Variants in CNTNAP2 observed in about 807,000 individuals in gnomAD.
CNTNAP2 encodes the protein contactin-associated protein-like 2.
In CNTNAP2, 98 loss-of-function variants were observed where a neutral mutation model predicts 155.2. The observed-to-expected ratio is 0.63, with a 90% CI of 0.54 to 0.75. The LOEUF (loss-of-function observed/expected upper bound fraction) is 0.75. CNTNAP2 is among the 30% of genes least tolerant of loss of function. The pLI is 0.00. For missense variants in CNTNAP2, 1,727 were observed against 1,688.1 expected, an observed-to-expected ratio of 1.02 and a Z score of -0.40; for synonymous variants, 651 against 631.2, an observed-to-expected ratio of 1.03 and a Z score of -0.47.
At chr7:147,907,349 C>T (rs918754844) in intron 14 of CNTNAP2, among the ~76,000 whole-genome samples, 1 of 152,184 alleles carries the variant, frequency 6.6e-6, no homozygotes, top group Non-Finnish European at 1.5e-5. Context: ...AGCCATCGCG[C>T]CCAGCCATGA....
At chr7:146,964,932 T>C (rs916809944) in intron 3 of CNTNAP2, among the ~76,000 whole-genome samples, 45 of 152,234 alleles carry the variant, frequency 3.0e-4, no homozygotes, top group Admixed American at 2.5e-3. Flanking sequence ...AACATTGTGT[T>C]GAGAATCGTT....
At chr7:146,873,587 G>A (rs2129207683) in intron 3 of CNTNAP2, among the ~76,000 whole-genome samples, 1 of 152,216 alleles carries the variant, frequency 6.6e-6, no homozygotes, top group African/African-American at 2.4e-5. Context: ...GGCTCCTAGA[G>A]TATTTGAATT....
intron 14 of CNTNAP2, among the ~76,000 whole-genome samples, chr7:147,911,914 G>A (rs973870754): frequency 6.6e-6 from 1 of 152,144 alleles, no homozygotes; most frequent in Admixed American, 6.6e-5. Context: ...TACGAGCACG[G>A]TGGTACAATT....
rs180962753 is a variant in CNTNAP2 at position 147,366,030 on chromosome 7, G to A, written c.1499-29579G>A. Among the ~76,000 whole-genome samples, 3 of 152,238 alleles carry A rather than the reference G, an allele frequency of 2.0e-5. No homozygotes were observed. The East Asian group carries it at 5.8e-4, about 29-fold the overall frequency. On this transcript the variant is annotated intron_variant, in intron 9 of 23. Transcript: ENST00000361727. ...TTGTGTGAATTCTTTGAAGTCTATG[G>A]TGAAGGTCCTTTCCTTCATCAAGAA... is the stretch of plus-strand genomic sequence containing the variant.
chr7:146,241,608 A>AT (rs11440591), intron 1 of CNTNAP2, among the ~76,000 whole-genome samples: 7,869 of 152,024 alleles, frequency 0.052, 679 homozygotes, highest in African/African-American at 0.18. Flanking sequence ...TTAATGTGAC[A>AT]TTTTTTTTAG....
intron 1 of CNTNAP2, among the ~76,000 whole-genome samples, chr7:146,405,855 G>T (rs1181999478): frequency 6.6e-6 from 1 of 152,196 alleles, no homozygotes; most frequent in East Asian, 1.9e-4. Flanking sequence ...AATGGGGCCA[G>T]TACAATCAGA....
At position 146,590,230 on chromosome 7, in the gene CNTNAP2, T is replaced by C. The variant is rs1035131790; in HGVS notation, c.98-184041T>C. Among the ~76,000 whole-genome samples, 5 of 152,342 alleles carry C rather than the reference T, an allele frequency of 3.3e-5. No individual in the cohort carries two copies. The East Asian group carries it at 9.7e-4, about 29-fold the overall frequency. On this transcript the variant is annotated intron_variant, in intron 1 of 23. Coordinates refer to ENST00000361727, the MANE Select transcript of CNTNAP2 (RefSeq NM_014141.6). ...GGAATGCGGAATGCTTCCCACTTTA[T>C]GCAGGTTACCCAGCTGACTTCTATT...
rs115786955 is a variant in CNTNAP2 at position 146,722,228 on chromosome 7, T to C, written c.98-52043T>C. The stretch of plus-strand genomic sequence containing the variant: ...ATATTAAACGATAAGGTGCTCACTA[T>C]TTTCTGAGCTGTACAACAGGAACAA... On this transcript the variant is annotated intron_variant, in intron 1 of 23. Transcript: ENST00000361727. Among the ~76,000 whole-genome samples the C allele has an allele frequency of 6.9e-3, 1,056 of 151,962 alleles. 7 individuals carry two copies. Among genetic ancestry groups the C allele is most frequent in the African/African-American group, 0.024 (1,001 of 41,362 alleles).
Position 146,576,892 on chromosome 7 carries a change from G to A in CNTNAP2, c.98-197379G>A, listed in dbSNP as rs1208456386. 3.3e-5 allele frequency among the ~76,000 whole-genome samples: 5 copies of A among 152,178 alleles called. No homozygotes were observed. In the East Asian group the frequency reaches 9.7e-4, roughly 29 times the overall value. On this transcript the variant is annotated intron_variant, in intron 1 of 23. Coordinates refer to ENST00000361727, the MANE Select transcript of CNTNAP2 (RefSeq NM_014141.6). Reference sequence around the variant, plus strand: ...GGTGTAACACTATATGTAGATGATTGATAAAATGCCTAACTCCTAAGAGTG... The same window carrying A: ...GGTGTAACACTATATGTAGATGATTAATAAAATGCCTAACTCCTAAGAGTG...
chr7:146,843,068 A>G (rs1466674603), intron 3 of CNTNAP2, among the ~76,000 whole-genome samples: 15 of 96,022 alleles, frequency 1.6e-4, no homozygotes, highest in Non-Finnish European at 1.8e-4. Context: ...TGCGGACTGC[A>G]GTGGCGCAAT....
At chr7:147,633,370 C>T (rs1032214735) in intron 12 of CNTNAP2, among the ~76,000 whole-genome samples, 3 of 152,172 alleles carry the variant, frequency 2.0e-5, no homozygotes, top group South Asian at 2.1e-4. Context: ...GGGTCAAGCT[C>T]TCATAGAGAT....
intron 3 of CNTNAP2, among the ~76,000 whole-genome samples, chr7:146,985,308 ATTTTTTTTTTTTTTT>A (rs71165057): frequency 0.013 from 1,663 of 127,808 alleles, 74 homozygotes; most frequent in Admixed American, 0.088. Context: ...AAATGCTTGA[ATTTTTTTTTTTTTTT>A]TTTTTTTTTT....
intron 13 of CNTNAP2, among the ~76,000 whole-genome samples, chr7:147,727,817 T>C (rs1796669631): frequency 6.6e-6 from 1 of 151,556 alleles, no homozygotes; most frequent in African/African-American, 2.4e-5. Context: ...CAACATTATT[T>C]CTGAGATTGC....
chr7:146,490,983 G>A (rs1441253668), intron 1 of CNTNAP2, among the ~76,000 whole-genome samples: 1 of 151,856 alleles, frequency 6.6e-6, no homozygotes, highest in Non-Finnish European at 1.5e-5. Context: ...TGTATTTGTA[G>A]ATATTTATCT....
At chr7:148,313,146 AAC>A (rs1212887746) in intron 21 of CNTNAP2, among the ~76,000 whole-genome samples, 27 of 151,684 alleles carry the variant, frequency 1.8e-4, no homozygotes, top group African/African-American at 5.8e-4. Flanking sequence ...CAATACCCAC[AAC>A]AGTTACGGAG....
At chr7:146,415,945 T>C (rs2129112241) in intron 1 of CNTNAP2, among the ~76,000 whole-genome samples, 1 of 152,190 alleles carries the variant, frequency 6.6e-6, no homozygotes, top group South Asian at 2.1e-4. Context: ...CAAGGCTCTC[T>C]TTATCCAATT....
intron 13 of CNTNAP2, among the ~76,000 whole-genome samples, chr7:147,888,616 C>A (rs1340473182): frequency 1.3e-5 from 2 of 151,156 alleles, no homozygotes; most frequent in Non-Finnish European, 3.0e-5. Context: ...TGGATGTAAG[C>A]CAGAATGAAA....
chr7:146,772,625 C>T (rs1028416508), intron 1 of CNTNAP2, among the ~76,000 whole-genome samples: 3 of 151,724 alleles, frequency 2.0e-5, no homozygotes, highest in African/African-American at 4.8e-5. Context: ...GCCGAGCTGG[C>T]GCCACTGCAC....
chr7:147,688,151 A>G (rs1796039788), intron 13 of CNTNAP2, among the ~76,000 whole-genome samples: 1 of 152,062 alleles, frequency 6.6e-6, no homozygotes, highest in South Asian at 2.1e-4. Flanking sequence ...TTTTGCCTTT[A>G]AAAAATATAT....
Sources: allele counts gnomAD v4.1 joint callset (sites outside exome capture counted in the v4.1 genomes callset), GRCh38; gene constraint gnomAD v4.1.1; transcripts MANE v1.5; gene names NCBI Gene and HGNC (gene_info 2026-07-23, HGNC 2026-07-21).